Variants in XKR4 observed in about 807,000 individuals in gnomAD.
XKR4 encodes XK related 4.
In XKR4, 12 loss-of-function variants were observed where a neutral mutation model predicts 53.9. The ratio of observed to expected loss-of-function variants is 0.22; its 90% CI spans 0.14 to 0.36. The LOEUF (loss-of-function observed/expected upper bound fraction) is 0.36. XKR4 is among the 10% of genes least tolerant of loss of function. XKR4 has a pLI of 1.00. For missense variants in XKR4, 799 were observed against 859.5 expected (o/e 0.93, Z 0.88); for synonymous variants, 354 against 362.4 (o/e 0.98, Z 0.26).
intron 1 of XKR4, among the ~76,000 whole-genome samples, chr8:55,124,914 A>G (rs1471006530): frequency 1.3e-5 from 2 of 152,204 alleles, no homozygotes; most frequent in Non-Finnish European, 2.9e-5. Context: ...CCATCATTTT[A>G]TTCAAAGGTG....
At chr8:55,222,340 A>G (rs1218779566) in intron 1 of XKR4, among the ~76,000 whole-genome samples, 1 of 152,232 alleles carries the variant, frequency 6.6e-6, no homozygotes, top group African/African-American at 2.4e-5. Context: ...CTTTTAAAAC[A>G]CTGGCCACAG....
At chr8:55,498,643 T>C (rs1236181731) in intron 2 of XKR4, among the ~76,000 whole-genome samples, 1 of 152,066 alleles carries the variant, frequency 6.6e-6, no homozygotes, top group Non-Finnish European at 1.5e-5. Context: ...GCCAGTAGCG[T>C]GTACCTGTAG....
intron 2 of XKR4, among the ~76,000 whole-genome samples, chr8:55,387,578 A>C (rs1490154422): frequency 6.6e-6 from 1 of 152,182 alleles, no homozygotes; most frequent in African/African-American, 2.4e-5. Context: ...TCTGGGTAGG[A>C]AGGGTAGACC....
chr8:55,434,136 C>T (rs1325009530), intron 2 of XKR4, among the ~76,000 whole-genome samples: 2 of 152,098 alleles, frequency 1.3e-5, no homozygotes, highest in African/African-American at 4.8e-5. Flanking sequence ...AAAATAAGTG[C>T]ATATGTAAAA....
rs1253162980 is a variant in XKR4, at chr8:55,528,517, T to G, written c.*4290T>G. ...TAGACTAAATATATGCTCCCTTGCA[T>G]TTTCCACATATCTTTGCCATTAGCC... On this transcript the variant is annotated 3_prime_UTR_variant, in exon 3 of 3. Transcript: ENST00000327381. 6.6e-6 allele frequency: 1 copy of G among 152,276 alleles called. No homozygotes were observed. Among genetic ancestry groups the G allele is most frequent in the Non-Finnish European group, 1.5e-5 (1 of 68,046 alleles). 9.4% of individuals were successfully genotyped at this position (152,276 alleles called of 1,614,324 possible). A position where few individuals can be genotyped will look rare whatever the true frequency, so the allele number is the denominator to read the frequency against.
At chr8:55,119,370 A>G (rs1212753633) in intron 1 of XKR4, among the ~76,000 whole-genome samples, 2 of 152,170 alleles carry the variant, frequency 1.3e-5, no homozygotes, top group Non-Finnish European at 2.9e-5. Context: ...CCTGCTGGGA[A>G]GGTTTCACAG....
At chr8:55,459,965 T>A (rs1439551185) in intron 2 of XKR4, among the ~76,000 whole-genome samples, 1 of 151,546 alleles carries the variant, frequency 6.6e-6, no homozygotes, top group Non-Finnish European at 1.5e-5. Flanking sequence ...CACACAGTTT[T>A]GTCCACAAAT....
intron 2 of XKR4, among the ~76,000 whole-genome samples, chr8:55,465,774 T>A (rs1318580518): frequency 1.3e-5 from 2 of 151,774 alleles, no homozygotes; most frequent in Non-Finnish European, 2.9e-5. Context: ...TACAATGAAC[T>A]CAAACAAATT....
chr8:55,369,767 T>C (rs1804048429), intron 2 of XKR4, among the ~76,000 whole-genome samples: 1 of 152,182 alleles, frequency 6.6e-6, no homozygotes, highest in Admixed American at 6.5e-5. Flanking sequence ...TATATATAGT[T>C]CTTCATTTTT....
rs148971261 is a variant in XKR4 at position 55,184,611 on chromosome 8, T to C, written c.806+81317T>C. Reference sequence around the variant, plus strand: ...GCTCTGTGTGTCTGCACAATTACATTGGCTCTTCTTTGGAAACAAACTTCG... The same window carrying C: ...GCTCTGTGTGTCTGCACAATTACATCGGCTCTTCTTTGGAAACAAACTTCG... On this transcript the variant is annotated intron_variant, in intron 1 of 2. Coordinates refer to ENST00000327381, the MANE Select transcript of XKR4 (RefSeq NM_052898.2). Among the ~76,000 whole-genome samples, 525 of 152,352 alleles carry C rather than the reference T, an allele frequency of 3.4e-3. 1 individual carries two copies. Among genetic ancestry groups the C allele is most frequent in the Non-Finnish European group, 6.4e-3 (438 of 68,022 alleles).
chr8:55,263,329 G>T (rs1250461361), intron 1 of XKR4, among the ~76,000 whole-genome samples: 1 of 152,160 alleles, frequency 6.6e-6, no homozygotes. Flanking sequence ...GGTGCCAAGG[G>T]CTGTAATCTG....
chr8:55,433,579 ATT>A (rs1266726882), intron 2 of XKR4, among the ~76,000 whole-genome samples: 1 of 152,246 alleles, frequency 6.6e-6, no homozygotes, highest in Non-Finnish European at 1.5e-5. Context: ...GAAAAAAGGC[ATT>A]GTCACCTCTT....
At chr8:55,301,036 G>A (rs1165724405) in intron 1 of XKR4, among the ~76,000 whole-genome samples, 1 of 151,632 alleles carries the variant, frequency 6.6e-6, no homozygotes, top group Non-Finnish European at 1.5e-5. Context: ...GGGTACATGT[G>A]CACAATGTGC....
At chr8:55,332,960 C>A (rs1230257350) in intron 1 of XKR4, among the ~76,000 whole-genome samples, 1 of 151,334 alleles carries the variant, frequency 6.6e-6, no homozygotes, top group Non-Finnish European at 1.5e-5. Flanking sequence ...TTCAAATGAC[C>A]TGAATTCAAG....
intron 1 of XKR4, among the ~76,000 whole-genome samples, chr8:55,204,243 T>C: frequency 6.6e-6 from 1 of 152,076 alleles, no homozygotes; most frequent in Admixed American, 6.6e-5. Context: ...TGGCTTCAAG[T>C]AATCCTCCCA....
rs985183308 is a variant in XKR4, at chr8:55,103,069, CGGT to C, written c.585_587del (p.Val196del). Reference sequence around the variant, plus strand: ...CCGCAGCCTGGAGCCGATTGCAAGACGGTGGTCGGCGGTGGGTCTGCAGCCGGG... The same window carrying C: ...CCGCAGCCTGGAGCCGATTGCAAGACGGTCGGCGGTGGGTCTGCAGCCGGG... On this transcript the variant is annotated inframe_deletion, in exon 1 of 3. Transcript: ENST00000327381. 4.3e-6 allele frequency: 7 copies of C among 1,612,506 alleles called. No individual in the cohort carries two copies. In the African/African-American group the frequency reaches 9.3e-5, roughly 22 times the overall value.
intron 1 of XKR4, among the ~76,000 whole-genome samples, chr8:55,197,338 G>C (rs909806167): frequency 5.3e-5 from 8 of 152,130 alleles, no homozygotes; most frequent in African/African-American, 1.7e-4. Flanking sequence ...AGTAGGATGC[G>C]TCCTTAACCA....
intron 2 of XKR4, among the ~76,000 whole-genome samples, chr8:55,393,793 G>A (rs1287025229): frequency 3.9e-5 from 6 of 152,130 alleles, no homozygotes; most frequent in African/African-American, 1.4e-4. Flanking sequence ...TAAAGACATT[G>A]AGTCATCTTA....
chr8:55,390,814 T>A (rs936101728), intron 2 of XKR4, among the ~76,000 whole-genome samples: 1 of 152,226 alleles, frequency 6.6e-6, no homozygotes, highest in Admixed American at 6.5e-5. Context: ...CCAAGTGCAC[T>A]GGGAGATTTA....
Sources: allele counts gnomAD v4.1 joint callset (sites outside exome capture counted in the v4.1 genomes callset), GRCh38; gene constraint gnomAD v4.1.1; transcripts MANE v1.5; gene names NCBI Gene and HGNC (gene_info 2026-07-23, HGNC 2026-07-21).